The following FAM222A variants were observed in gnomAD, a reference collection of about 807,000 sequenced individuals.
FAM222A encodes the protein family with sequence similarity 222 member A, also known as protein FAM222A.
A neutral mutation model predicts 25.8 loss-of-function variants in FAM222A; 7 were observed. The observed-to-expected ratio is 0.27, with a 90% CI of 0.15 to 0.51. The LOEUF (loss-of-function observed/expected upper bound fraction) is 0.51, where lower values mean the gene tolerates loss of function less well. Ranked by LOEUF, FAM222A falls within the 20% of genes least tolerant of loss-of-function variation. The pLI is 0.97. For synonymous variants in FAM222A, 294 were observed against 298.8 expected (o/e 0.98, Z 0.17); for missense variants, 573 against 640.5 (o/e 0.89, Z 1.14).
chr12:109,743,867 A>G (rs1404441200), intron 1 of FAM222A: 1 of 985,414 alleles, frequency 1.0e-6, no homozygotes. Context: ...TGTGTGATCC[A>G]TCAGTCCAGC....
intron 1 of FAM222A, among the ~76,000 whole-genome samples, chr12:109,731,999 C>T (rs1887957683): frequency 6.6e-6 from 1 of 152,172 alleles, no homozygotes; most frequent in Admixed American, 6.5e-5. Flanking sequence ...GCTGTGCACC[C>T]TGGGCAAGCC....
At position 109,768,584 on chromosome 12, in the gene FAM222A, G is replaced by A; in HGVS notation, c.655G>A (p.Ala219Thr). 2 of 1,602,004 alleles carry A rather than the reference G, an allele frequency of 1.2e-6. No homozygotes were observed. The highest frequency in any genetic ancestry group is 1.7e-4 in the Middle Eastern group (1 of 6,044). The change falls in exon 3 of 3, where the codon GCC becomes ACC. Residue 219 changes from alanine (A) to threonine (T), a missense_variant. Physicochemically the swap from Ala to Thr is moderately conservative, Grantham distance 58. Around this residue, in one of 3 missense-constraint regions of FAM222A, gnomAD observed 412 missense variants for 407.0 expected, o/e 1.01. Transcript: ENST00000538780. ...CCAGGCCCCGGGCGCCGCACCCCCT[G>A]CCTGCCAGGGCATGGCTATTCCCCA... ...QCQAPGAAPPACQGMAIPHPS... is the reference protein window; with the variant it reads ...QCQAPGAAPPTCQGMAIPHPS...
chr12:109,722,295 A>G (rs570097330), intron 1 of FAM222A, among the ~76,000 whole-genome samples: 31 of 152,308 alleles, frequency 2.0e-4, no homozygotes, highest in African/African-American at 6.7e-4. Flanking sequence ...TTGCTTTCCC[A>G]TAGTAGGGAG....
intron 1 of FAM222A, among the ~76,000 whole-genome samples, chr12:109,716,451 GCT>G (rs1393992549): frequency 6.6e-6 from 1 of 152,236 alleles, no homozygotes; most frequent in Non-Finnish European, 1.5e-5. Flanking sequence ...CTTCTACCAA[GCT>G]CTCTAGCTAG....
rs538453703 is a variant in FAM222A at position 109,715,449 on chromosome 12, G to A, written c.-47+552G>A. On this transcript the variant is annotated intron_variant, in intron 1 of 2. Transcript: ENST00000538780. Reference sequence around the variant, plus strand: ...TTCCCCAGTGGGGGCACGACATGACGTCAAACCTTAGCCTCTGATGTCACT... The same window carrying A: ...TTCCCCAGTGGGGGCACGACATGACATCAAACCTTAGCCTCTGATGTCACT... Among the ~76,000 whole-genome samples, 3 of 152,306 alleles carry A rather than the reference G, an allele frequency of 2.0e-5. No individual in the cohort carries two copies. In the South Asian group the frequency reaches 6.2e-4, roughly 32 times the overall value.
chr12:109,768,313 C>G lies in FAM222A; in HGVS notation c.384C>G (p.Ser128Arg), dbSNP rs751312956. ...GGCCCGCCAAAAGTGTGCTCAAGAG[C>G]GCCGAGGGCAAGCGGACCAAGCTGT... Reference protein sequence around the residue: ...PAGPAKSVLKSAEGKRTKLSP... With the variant: ...PAGPAKSVLKRAEGKRTKLSP... The change falls in exon 3 of 3, where the codon AGC (serine) becomes AGG (arginine). Residue 128 changes from serine to arginine, a missense_variant. Physicochemically the swap from Ser to Arg is moderately radical, Grantham distance 110. This residue lies in a region of FAM222A where 412 missense variants were observed against 407.0 expected (regional missense o/e 1.01). Coordinates refer to ENST00000538780, the MANE Select transcript of FAM222A (RefSeq NM_032829.3). 1 of 1,605,130 alleles carries G rather than the reference C, an allele frequency of 6.2e-7. No homozygotes were observed. Among genetic ancestry groups the G allele is most frequent in the African/African-American group, 1.3e-5 (1 of 74,908 alleles).
intron 1 of FAM222A, among the ~76,000 whole-genome samples, chr12:109,732,954 A>G (rs1298986653): frequency 2.6e-5 from 4 of 152,240 alleles, no homozygotes; most frequent in Non-Finnish European, 4.4e-5. Context: ...ATTCATCAAG[A>G]TAATTTCAGA....
intron 2 of FAM222A, among the ~76,000 whole-genome samples, chr12:109,752,343 G>A (rs1888585797): frequency 6.6e-6 from 1 of 152,272 alleles, no homozygotes; most frequent in Non-Finnish European, 1.5e-5. Flanking sequence ...AGGAAGGCAG[G>A]AAGAGAGATA....
intron 2 of FAM222A, among the ~76,000 whole-genome samples, chr12:109,745,513 G>A (rs1888374886): frequency 6.6e-6 from 1 of 152,226 alleles, no homozygotes; most frequent in Admixed American, 6.5e-5. Context: ...TTTGATAGCT[G>A]TGGTCTGATG....
At chr12:109,750,623 A>G (rs187697553) in intron 2 of FAM222A, among the ~76,000 whole-genome samples, 5 of 152,260 alleles carry the variant, frequency 3.3e-5, no homozygotes, top group South Asian at 2.1e-4. Flanking sequence ...TTTAATAACA[A>G]TAGTGCTCAC....
intron 1 of FAM222A, among the ~76,000 whole-genome samples, chr12:109,730,138 A>C (rs1013455537): frequency 6.6e-6 from 1 of 151,960 alleles, no homozygotes. Context: ...ACGCCACCCA[A>C]ACGGCCCACC....
rs543943382 is a variant in FAM222A, at chr12:109,755,099, CT to C, written c.82+10874del. On this transcript the variant is annotated intron_variant, in intron 2 of 2. Coordinates refer to ENST00000538780, the MANE Select transcript of FAM222A (RefSeq NM_032829.3). ...TTCTCCCATTCTGGAGTTGTCTTCA[CT>C]TTCTTTGTGGTATCCTTTGAAGCAC... Among the ~76,000 whole-genome samples the C allele has an allele frequency of 8.7e-4, 133 of 152,264 alleles. 1 individual carries two copies. Among genetic ancestry groups the C allele is most frequent in the African/African-American group, 3.1e-3 (129 of 41,542 alleles).
intron 2 of FAM222A, among the ~76,000 whole-genome samples, chr12:109,755,686 C>G (rs753251394): frequency 2.2e-4 from 33 of 152,204 alleles, no homozygotes; most frequent in Non-Finnish European, 4.3e-4. Flanking sequence ...CGACTTCATT[C>G]TTTTGCATAT....
chr12:109,761,404 T>TC (rs1057352882), intron 2 of FAM222A, among the ~76,000 whole-genome samples: 3 of 151,724 alleles, frequency 2.0e-5, no homozygotes, highest in Non-Finnish European at 4.4e-5. Flanking sequence ...TGTGCGCCCC[T>TC]CCCCCCATCC....
rs554324082 is a variant in FAM222A at position 109,721,178 on chromosome 12, G to T, written c.-47+6281G>T. Among the ~76,000 whole-genome samples the T allele has an allele frequency of 2.0e-5, 3 of 152,290 alleles. No individual in the cohort carries two copies. The East Asian group carries it at 5.8e-4, about 29-fold the overall frequency. ...CTTAGCCTGATGATGTGAAGCAGCA[G>T]CCCTGGGCCACATGGCAGGCCCACA... On this transcript the variant is annotated intron_variant, in intron 1 of 2. Coordinates refer to ENST00000538780, the MANE Select transcript of FAM222A (RefSeq NM_032829.3).
intron 2 of FAM222A, among the ~76,000 whole-genome samples, chr12:109,754,131 T>G (rs941001268): frequency 1.3e-5 from 2 of 152,128 alleles, no homozygotes; most frequent in African/African-American, 4.8e-5. Flanking sequence ...ACAAACAAAC[T>G]TGAGGCTTGA....
At chr12:109,730,956 T>C (rs933173179) in intron 1 of FAM222A, among the ~76,000 whole-genome samples, 4 of 152,144 alleles carry the variant, frequency 2.6e-5, no homozygotes, top group African/African-American at 9.7e-5. Context: ...TCACGAGTGC[T>C]ACACTGCATG....
In FAM222A at chr12:109,759,604, G is replaced by A. The variant is rs112382952; in HGVS notation, c.83-8408G>A. Among the ~76,000 whole-genome samples the A allele has an allele frequency of 2.5e-3, 380 of 152,308 alleles. 5 individuals carry two copies. Among genetic ancestry groups the A allele is most frequent in the African/African-American group, 8.3e-3 (343 of 41,566 alleles). On this transcript the variant is annotated intron_variant, in intron 2 of 2. Coordinates refer to ENST00000538780, the MANE Select transcript of FAM222A (RefSeq NM_032829.3). ...ATTAACTTAATGGCAGCGGCAGTTC[G>A]TCCAGCACTTCCAGCCCAGCCAGCC...
At chr12:109,729,302 G>A (rs1887898402) in intron 1 of FAM222A, among the ~76,000 whole-genome samples, 1 of 152,204 alleles carries the variant, frequency 6.6e-6, no homozygotes, top group South Asian at 2.1e-4. Context: ...AAGAAAAAAA[G>A]GTGTGGGCTG....
Sources: gnomAD v4.1 joint callset for allele counts (sites outside exome capture counted in the v4.1 genomes callset) on GRCh38, gnomAD v4.1.1 for gene constraint, gnomAD v4.1.1 regional missense constraint, MANE v1.5 for transcripts, NCBI Gene and HGNC (gene_info 2026-07-23, HGNC 2026-07-21) for gene names.